The following SGCA variants were observed in gnomAD, a reference collection of about 807,000 sequenced individuals.
SGCA encodes alpha-sarcoglycan.
Under a neutral mutation model 38.1 loss-of-function variants are expected in SGCA, and 34 were observed. The ratio of observed to expected loss-of-function variants is 0.89; its 90% confidence interval spans 0.68 to 1.19. SGCA has a LOEUF of 1.19. Among genes scored for constraint, SGCA ranks in the 50% most tolerant of loss-of-function variants. The probability of loss-of-function intolerance (pLI) is 0.00; values close to 1 mark genes in which losing one functional copy is unlikely to be tolerated. For missense variants in SGCA, 476 were observed against 524.9 expected, an observed-to-expected ratio of 0.91 and a Z score of 0.91; for synonymous variants, 209 against 214.6, an observed-to-expected ratio of 0.97 and a Z score of 0.23.
At position 50,170,124 on chromosome 17, in the gene SGCA, C is replaced by T. The variant is rs951749497; in HGVS notation, c.748-19C>T. On this transcript the variant is annotated intron_variant, in intron 6 of 9. Coordinates refer to ENST00000262018, the MANE Select transcript of SGCA (RefSeq NM_000023.4). ...TCCAGCCAGCCACTTCCTGCGTCAG[C>T]CCTGAGCTCTCTGTGCAGGTGGATA... is the stretch of plus-strand genomic sequence containing the variant. 8 of 1,610,830 alleles carry T rather than the reference C, an allele frequency of 5.0e-6. No individual in the cohort carries two copies. The highest frequency in any genetic ancestry group is 5.9e-6 in the Non-Finnish European group (7 of 1,177,348).
chr17:50,175,778 C>T lies in SGCA; in HGVS notation c.*79C>T, dbSNP rs949503681. ...CCACACCACGAGTGGCACATCCCACCTGCTGATTCCAGCTCCTGGCCCTCC... is the reference window on the plus strand; with the variant it reads ...CCACACCACGAGTGGCACATCCCACTTGCTGATTCCAGCTCCTGGCCCTCC... On this transcript the variant is annotated 3_prime_UTR_variant, in exon 10 of 10. Coordinates refer to ENST00000262018, the MANE Select transcript of SGCA (RefSeq NM_000023.4). 3 of 529,878 alleles carry T rather than the reference C, an allele frequency of 5.7e-6. No individual in the cohort carries two copies. Among genetic ancestry groups the T allele is most frequent in the African/African-American group, 3.8e-5 (2 of 52,920 alleles). 32.8% of individuals were successfully genotyped at this position (529,878 alleles called of 1,614,324 possible).
At chr17:50,175,567 G>A in intron 9 of SGCA, 118 bp downstream of exon 9, 3 of 928,980 alleles carry the variant, frequency 3.2e-6, no homozygotes, top group Non-Finnish European at 1.7e-6. Flanking sequence ...AGACTTGTCT[G>A]CCCCTCTGAG....
intron 8 of SGCA, among the ~76,000 whole-genome samples, chr17:50,173,015 G>C (rs1266816684): frequency 6.6e-6 from 1 of 152,180 alleles, no homozygotes; most frequent in Non-Finnish European, 1.5e-5. Context: ...TGGCACTGGG[G>C]ATATTCTCTT....
At chr17:50,170,733 A>G (rs1346096830) in intron 8 of SGCA, 67 bp downstream of exon 8, 1 of 1,297,008 alleles carries the variant, frequency 7.7e-7, no homozygotes, top group Admixed American at 2.0e-5. Context: ...CCGCCACCAA[A>G]CTATGCCATG....
chr17:50,172,195 G>A (rs1428641631), intron 8 of SGCA: 2 of 456,986 alleles, frequency 4.4e-6, no homozygotes, highest in African/African-American at 2.0e-5. Flanking sequence ...GCCAGAAAGA[G>A]GATCAAGGAC....
At position 50,168,394 on chromosome 17, in the gene SGCA, G is replaced by C; in HGVS notation, c.406G>C (p.Ala136Pro). 1 of 1,585,208 alleles carries C rather than the reference G, an allele frequency of 6.3e-7. No homozygotes were observed. The highest frequency in any genetic ancestry group is 8.6e-7 in the Non-Finnish European group (1 of 1,165,766). The change falls in exon 5 of 10, where the codon GCC (alanine) becomes CCC (proline). Residue 136 changes from alanine (A) to proline (P), a missense_variant. Ala to Pro is a conservative substitution (Grantham distance 27). Transcript: ENST00000262018. ...CCCAGGCCCCCTGCTGCCATACCAA[G>C]CCGAGTTCCTGGTGCGCAGCCACGA... ...DPEGPLLPYQ[A>P]EFLVRSHDAE...
In SGCA at chr17:50,169,224, C is replaced by G; in HGVS notation, c.717C>G (p.His239Gln). Residue 239 changes from histidine to glutamine, a missense_variant, in exon 6 of 10, where the codon CAC becomes CAG. Coordinates refer to ENST00000262018, the MANE Select transcript of SGCA (RefSeq NM_000023.4). ...LLSCYDTLAP[H>Q]FRVDWCNVTL... ...CTTGCTACGACACCTTGGCACCCCA[C>G]TTCCGCGTTGACTGGTGCAATGTGA... is the stretch of plus-strand genomic sequence containing the variant. 6.2e-7 allele frequency: 1 copy of G among 1,613,976 alleles called. No individual in the cohort carries two copies. Among genetic ancestry groups the G allele is most frequent in the African/African-American group, 1.3e-5 (1 of 75,042 alleles).
At position 50,174,997 on chromosome 17, in the gene SGCA, G is replaced by C. The variant is rs573155826; in HGVS notation, c.984-260G>C. Among the ~76,000 whole-genome samples the C allele has an allele frequency of 6.6e-5, 10 of 151,648 alleles. No homozygotes were observed. In the South Asian group the frequency reaches 2.1e-3, roughly 32 times the overall value. On this transcript the variant is annotated intron_variant, in intron 8 of 9. Coordinates refer to ENST00000262018, the MANE Select transcript of SGCA (RefSeq NM_000023.4). The stretch of plus-strand genomic sequence containing the variant: ...TTTTTTGTAGAAACAGGGTTTCACC[G>C]TGTTGGCCAGGCTGGTCTCGAACTC...
rs749555493 is a variant in SGCA, at chr17:50,166,027, C to T, written c.-14C>T. ...TGTCTCTGTCACTCACCGGGCGGGC[C>T]AGGCCGGGCAGCCATGGCTGAGACA... On this transcript the variant is annotated 5_prime_UTR_variant, in exon 1 of 10. Coordinates refer to ENST00000262018, the MANE Select transcript of SGCA (RefSeq NM_000023.4). 2 of 1,612,618 alleles carry T rather than the reference C, an allele frequency of 1.2e-6. No individual in the cohort carries two copies. Among genetic ancestry groups the T allele is most frequent in the Non-Finnish European group, 1.7e-6 (2 of 1,178,840 alleles).
Position 50,167,679 on chromosome 17 carries a change from C to T in SGCA, c.255C>T (p.His85=). 1.2e-6 allele frequency: 2 copies of T among 1,613,912 alleles called. No homozygotes were observed. The highest frequency in any genetic ancestry group is 1.7e-6 in the Non-Finnish European group (2 of 1,179,912). Residue 85 remains histidine, a synonymous_variant, in exon 3 of 10, where the codon CAC becomes CAT. Transcript: ENST00000262018. This position sits in a 1 kb window ranked among gnomAD's most constrained non-coding sequence, Gnocchi z 4.5. ...GCTACACCCAGCGCAGCCCCCACCA[C>T]CCTGGCTTCCTCTACGGCTCTGCCA... The part of the protein sequence containing the change: ...WLRYTQRSPH[H]PGFLYGSATP...
chr17:50,174,533 G>T (rs561564714), intron 8 of SGCA, among the ~76,000 whole-genome samples: 54 of 151,734 alleles, frequency 3.6e-4, no homozygotes, highest in African/African-American at 1.3e-3. Context: ...TTTAAATAGA[G>T]ATGGGGTTTC....
At position 50,170,221 on chromosome 17, in the gene SGCA, T is replaced by TG. The variant is rs1905260562; in HGVS notation, c.827dup (p.Cys276TrpfsTer5). On this transcript the variant is annotated frameshift_variant, in exon 7 of 10. Transcript: ENST00000262018. LOFTEE classifies it high-confidence loss of function. ...GATCCTGGAGCATGACCCGTTCTTC[T>TG]GCCCACCCACTGAGGCCCCAGACCG... 1 of 1,614,024 alleles carries TG rather than the reference T, an allele frequency of 6.2e-7. No individual in the cohort carries two copies. Among genetic ancestry groups the TG allele is most frequent in the African/African-American group, 1.3e-5 (1 of 74,898 alleles).
At chr17:50,169,438 CACACACA>C in intron 6 of SGCA, 184 bp downstream of exon 6, 1 of 592,018 alleles carries the variant, frequency 1.7e-6, no homozygotes, top group Non-Finnish European at 3.0e-6. Context: ...CACACACACA[CACACACA>C]CCCCTGAAGT....
intron 6 of SGCA, 47 bp from the exon 7 acceptor site, chr17:50,170,096 G>A (rs1437483059): frequency 6.4e-7 from 1 of 1,550,610 alleles, no homozygotes; most frequent in Admixed American, 1.7e-5. Context: ...GGGGACCTCT[G>A]TGTCCAGCCA....
intron 7 of SGCA, 90 bp from the exon 8 acceptor site, chr17:50,170,550 T>G: frequency 6.9e-7 from 1 of 1,453,228 alleles, no homozygotes; most frequent in Non-Finnish European, 9.5e-7. Context: ...TGTGGATAAT[T>G]GCACACAGAC....
intron 8 of SGCA, chr17:50,171,684 C>G: frequency 2.2e-6 from 1 of 456,780 alleles, no homozygotes; most frequent in Non-Finnish European, 4.4e-6. Flanking sequence ...GCTTCTTGCC[C>G]AGGGTGAAGG....
intron 7 of SGCA, 138 bp from the exon 8 acceptor site, chr17:50,170,502 G>T: frequency 7.6e-7 from 1 of 1,319,240 alleles, no homozygotes; most frequent in South Asian, 1.2e-5. Context: ...AGGCAACTTG[G>T]GGCTTGAGAC....
chr17:50,174,144 C>A (rs758411952), intron 8 of SGCA, among the ~76,000 whole-genome samples: 1 of 151,948 alleles, frequency 6.6e-6, no homozygotes, highest in East Asian at 1.9e-4. Context: ...CATAGTAAGA[C>A]ACCTGTCTCT....
At chr17:50,166,779 A>G (rs1394213391) in intron 1 of SGCA, among the ~76,000 whole-genome samples, 1 of 98,800 alleles carries the variant, frequency 1.0e-5, no homozygotes, top group Non-Finnish European at 2.0e-5. Flanking sequence ...ACCCTCACAC[A>G]CCCTCACACA....
Sources: gnomAD v4.1 joint callset for allele counts (sites outside exome capture counted in the v4.1 genomes callset) on GRCh38, gnomAD v4.1.1 for gene constraint, Gnocchi (gnomAD v3.1) non-coding constraint, MANE v1.5 for transcripts, NCBI Gene and HGNC (gene_info 2026-07-23, HGNC 2026-07-21) for gene names.